The following RUFY3 variants were observed in gnomAD, a reference collection of about 807,000 sequenced individuals.
RUFY3 encodes the protein protein RUFY3.
RUFY3 carries 34 observed loss-of-function variants against 84.0 expected under a neutral mutation model. That is an observed-to-expected ratio of 0.40 (90% confidence interval 0.31 to 0.54). The LOEUF (loss-of-function observed/expected upper bound fraction) is 0.54, where lower values mean the gene tolerates loss of function less well. RUFY3 is among the 20% of genes least tolerant of loss of function. RUFY3 has a pLI of 0.39. For missense variants in RUFY3, 507 were observed against 736.8 expected (o/e 0.69, Z 3.61); for synonymous variants, 242 against 252.9 (o/e 0.96, Z 0.41).
intron 1 of RUFY3, chr4:70,741,563 C>A: frequency 7.1e-7 from 1 of 1,412,484 alleles, no homozygotes; most frequent in Non-Finnish European, 9.5e-7. Flanking sequence ...TTTAATAGCA[C>A]TTTTCTTTCT....
chr4:70,754,940 A>G lies in RUFY3; in HGVS notation c.179-7579A>G, dbSNP rs181323013. 4.3e-3 allele frequency among the ~76,000 whole-genome samples: 620 copies of G among 145,040 alleles called. 4 individuals are homozygous for G. The highest frequency in any genetic ancestry group is 8.6e-3 in the Admixed American group (122 of 14,142). The stretch of plus-strand genomic sequence containing the variant: ...TTTCTTGAGACGGGGGTATCACTCT[A>G]TCTCCCAGGCTGGAATGCAGTGGTG... On this transcript the variant is annotated intron_variant, in intron 1 of 17. Coordinates refer to ENST00000381006, the MANE Select transcript of RUFY3 (RefSeq NM_001037442.4).
intron 1 of RUFY3, among the ~76,000 whole-genome samples, chr4:70,748,551 TTAA>T (rs1322082583): frequency 6.6e-6 from 1 of 152,178 alleles, no homozygotes; most frequent in East Asian, 1.9e-4. Flanking sequence ...CTTTAACAAA[TTAA>T]TAAAGCCTCT....
At chr4:70,715,947 A>T (rs1461322471) in intron 1 of RUFY3, among the ~76,000 whole-genome samples, 1 of 152,018 alleles carries the variant, frequency 6.6e-6, no homozygotes, top group Non-Finnish European at 1.5e-5. Context: ...CCCCATCTGT[A>T]CTAAAAATAT....
intron 14 of RUFY3, among the ~76,000 whole-genome samples, chr4:70,797,396 C>T (rs1731661426): frequency 6.6e-6 from 1 of 152,118 alleles, no homozygotes; most frequent in Non-Finnish European, 1.5e-5. Flanking sequence ...TTTCCATGAA[C>T]TTTTTGAATA....
rs1732993166 is a variant in RUFY3, at chr4:70,807,881, T to C, written c.*1222T>C. ...TGAATAAGGAATTCCTTATTCTGAG[T>C]GAGTCACGAATGAGAGCTGATAGAT... On this transcript the variant is annotated 3_prime_UTR_variant, in exon 18 of 18. Transcript: ENST00000381006. Among the ~76,000 whole-genome samples the C allele has an allele frequency of 6.6e-6, 1 of 152,034 alleles. No individual in the cohort carries two copies. Among genetic ancestry groups the C allele is most frequent in the Non-Finnish European group, 1.5e-5 (1 of 68,008 alleles).
chr4:70,767,155 A>G (rs1038435051), intron 4 of RUFY3, among the ~76,000 whole-genome samples: 2 of 151,010 alleles, frequency 1.3e-5, no homozygotes, highest in African/African-American at 4.9e-5. Flanking sequence ...GCACGATCTC[A>G]GCTCACCGCA....
chr4:70,718,301 G>A (rs1384820500), upstream of RUFY3, among the ~76,000 whole-genome samples: 1 of 152,134 alleles, frequency 6.6e-6, no homozygotes, highest in Non-Finnish European at 1.5e-5. Flanking sequence ...GTTAACCTTT[G>A]TCTTATAGTA....
chr4:70,718,576 A>G (rs79789675), upstream of RUFY3, among the ~76,000 whole-genome samples: 960 of 152,316 alleles, frequency 6.3e-3, 11 homozygotes, highest in African/African-American at 0.023. Flanking sequence ...AAATAGTTCA[A>G]TACAGCTCAT....
At chr4:70,804,291 G>A in intron 16 of RUFY3, 57 bp from the exon 17 acceptor site, 1 of 1,403,844 alleles carries the variant, frequency 7.1e-7, no homozygotes, top group East Asian at 2.3e-5. Flanking sequence ...TGCATATTCT[G>A]AAAGTACTAA....
intron 14 of RUFY3, chr4:70,799,809 T>C (rs1732003881): frequency 1.3e-5 from 3 of 238,056 alleles, no homozygotes; most frequent in Admixed American, 6.1e-5. Context: ...GAGCTCAGTC[T>C]GGGGAAAAGA....
At chr4:70,804,857 G>A (rs1732670808) in intron 17 of RUFY3, among the ~76,000 whole-genome samples, 2 of 152,024 alleles carry the variant, frequency 1.3e-5, no homozygotes, top group Admixed American at 6.5e-5. Flanking sequence ...CCCGGGAGGC[G>A]GAGGTTGCAG....
chr4:70,720,524 T>C (rs542221653), upstream of RUFY3, among the ~76,000 whole-genome samples: 6 of 129,576 alleles, frequency 4.6e-5, no homozygotes, highest in Admixed American at 8.9e-5. Flanking sequence ...TGCCAGTTTC[T>C]CTACAGAATT....
At position 70,783,238 on chromosome 4, in the gene RUFY3, G is replaced by A. The variant is rs997939411; in HGVS notation, c.987+55G>A. On this transcript the variant is annotated intron_variant, in intron 9 of 17. Coordinates refer to ENST00000381006, the MANE Select transcript of RUFY3 (RefSeq NM_001037442.4). ...ACTGAGAGCATATCAACTTGTTAGT[G>A]GTAAAGGGGAGTCTCTAAAGGACTA... 11 of 1,126,052 alleles carry A rather than the reference G, an allele frequency of 9.8e-6. No individual in the cohort carries two copies. In the Admixed American group the frequency reaches 1.9e-4, roughly 19 times the overall value. 69.8% of individuals were successfully genotyped at this position (1,126,052 alleles called of 1,614,324 possible).
At chr4:70,725,248 TAAATGA>T (rs1290942170) in intron 1 of RUFY3, among the ~76,000 whole-genome samples, 4 of 152,112 alleles carry the variant, frequency 2.6e-5, no homozygotes, top group African/African-American at 9.7e-5. Context: ...AACCCTTAAA[TAAATGA>T]AAATAAAAGC....
At chr4:70,723,851 T>A (rs1336662425) in intron 1 of RUFY3, among the ~76,000 whole-genome samples, 1 of 152,230 alleles carries the variant, frequency 6.6e-6, no homozygotes, top group Non-Finnish European at 1.5e-5. Flanking sequence ...GTTGAAATCT[T>A]ATCATGACTC....
At chr4:70,765,456 G>C (rs1441181067) in intron 4 of RUFY3, among the ~76,000 whole-genome samples, 1 of 152,138 alleles carries the variant, frequency 6.6e-6, no homozygotes, top group Admixed American at 6.6e-5. Flanking sequence ...TCTCTTTCCT[G>C]ATCATGATAG....
At chr4:70,737,351 T>A (rs563255253) in intron 1 of RUFY3, among the ~76,000 whole-genome samples, 1 of 152,196 alleles carries the variant, frequency 6.6e-6, no homozygotes, top group Non-Finnish European at 1.5e-5. Context: ...CTTTTTGGGA[T>A]GAAAAAGCTG....
intron 1 of RUFY3, among the ~76,000 whole-genome samples, chr4:70,742,335 T>A (rs549163809): frequency 6.6e-6 from 1 of 152,138 alleles, no homozygotes; most frequent in Non-Finnish European, 1.5e-5. Flanking sequence ...ATAGAAAAAT[T>A]GAGATTTGAA....
At chr4:70,794,253 A>G (rs143198782) in intron 13 of RUFY3, among the ~76,000 whole-genome samples, 6 of 152,150 alleles carry the variant, frequency 3.9e-5, no homozygotes, top group Non-Finnish European at 5.9e-5. Context: ...TATCAACCCT[A>G]TTAGTGATAT....
Sources: gnomAD v4.1 joint callset for allele counts (sites outside exome capture counted in the v4.1 genomes callset) on GRCh38, gnomAD v4.1.1 for gene constraint, MANE v1.5 for transcripts, NCBI Gene and HGNC (gene_info 2026-07-23, HGNC 2026-07-21) for gene names.